Variants in AGMO observed in about 807,000 individuals in gnomAD.
AGMO encodes the protein glyceryl-ether monooxygenase.
Under a neutral mutation model 60.2 loss-of-function variants are expected in AGMO, and 75 were observed. The ratio of observed to expected loss-of-function variants is 1.25; its 90% CI spans 1.03 to 1.51. The LOEUF (loss-of-function observed/expected upper bound fraction) is 1.51. Among genes scored for constraint, AGMO ranks in the 40% most tolerant of loss-of-function variants. The pLI, the probability that AGMO is intolerant of heterozygous loss-of-function variation, is 0.00. For synonymous variants in AGMO, 261 were observed against 177.1 expected (o/e 1.47, Z -3.76); for missense variants, 763 against 525.5 (o/e 1.45, Z -4.42).
chr7:15,390,556 A>C, intron 8 of AGMO, 115 bp downstream of exon 8: 1 of 696,964 alleles, frequency 1.4e-6, no homozygotes. Context: ...TAACAGTTAA[A>C]AATTTTTTCA....
chr7:15,354,423 C>CACACACGTGTGTGTAT (rs1418134928), intron 12 of AGMO, among the ~76,000 whole-genome samples: 1 of 27,462 alleles, frequency 3.6e-5, no homozygotes, highest in Non-Finnish European at 5.7e-5. Context: ...TGTGTGTATA[C>CACACACGTGTGTGTAT]ACACACGTGT....
intron 10 of AGMO, among the ~76,000 whole-genome samples, chr7:15,383,113 G>T (rs1366849513): frequency 1.3e-5 from 2 of 151,692 alleles, no homozygotes; most frequent in African/African-American, 4.8e-5. Flanking sequence ...ACATAGATTC[G>T]TTCAGTGATG....
At chr7:15,547,234 T>C (rs933690847) in intron 2 of AGMO, among the ~76,000 whole-genome samples, 3 of 151,578 alleles carry the variant, frequency 2.0e-5, no homozygotes, top group Non-Finnish European at 4.4e-5. Context: ...TTCCAAGTGT[T>C]TCCTGGGGAG....
Position 15,449,273 on chromosome 7 carries a change from A to T in AGMO, c.410-18165T>A, listed in dbSNP as rs1279096809. Among the ~76,000 whole-genome samples, 3 of 152,080 alleles carry T rather than the reference A, an allele frequency of 2.0e-5. No homozygotes were observed. The East Asian group carries it at 5.8e-4, about 29-fold the overall frequency. On this transcript the variant is annotated intron_variant, in intron 3 of 12. Coordinates refer to ENST00000342526, the MANE Select transcript of AGMO (RefSeq NM_001004320.2). ...CAGAAAGGGATAGAGTTTCTGTCTG[A>T]ATGTTAAAATAATAATTCCCTACAA... is the stretch of plus-strand genomic sequence containing the variant.
At chr7:15,513,339 T>C (rs1014417240) in intron 3 of AGMO, among the ~76,000 whole-genome samples, 1 of 152,192 alleles carries the variant, frequency 6.6e-6, no homozygotes, top group Non-Finnish European at 1.5e-5. Context: ...GGATTTTGAC[T>C]ATAATTATCT....
chr7:15,200,205 T>A (rs895018928), downstream of AGMO: 1 of 142,812 alleles, frequency 7.0e-6, no homozygotes, highest in Admixed American at 7.0e-5. Flanking sequence ...ATTTTTTTTT[T>A]AACTTTTTCC....
chr7:15,339,672 C>T (rs1378550528), intron 12 of AGMO, among the ~76,000 whole-genome samples: 2 of 152,048 alleles, frequency 1.3e-5, no homozygotes, highest in Admixed American at 6.6e-5. Flanking sequence ...AGTATCTTTC[C>T]CATCCCTGTA....
intron 5 of AGMO, among the ~76,000 whole-genome samples, chr7:15,405,335 C>A (rs973218256): frequency 6.6e-6 from 1 of 151,850 alleles, no homozygotes; most frequent in African/African-American, 2.4e-5. Context: ...AAAATTAATA[C>A]AACATAGTTA....
intron 12 of AGMO, among the ~76,000 whole-genome samples, chr7:15,265,041 T>C (rs1456545505): frequency 6.6e-6 from 1 of 152,082 alleles, no homozygotes; most frequent in Non-Finnish European, 1.5e-5. Context: ...TATGTGCCCA[T>C]CAATAGTGGA....
chr7:15,523,827 G>T (rs1784059858), intron 3 of AGMO, among the ~76,000 whole-genome samples: 1 of 151,764 alleles, frequency 6.6e-6, no homozygotes, highest in South Asian at 2.1e-4. Context: ...CAGAACTTAA[G>T]TATAATAATA....
At chr7:15,256,369 G>A (rs1783097779) in intron 12 of AGMO, among the ~76,000 whole-genome samples, 1 of 152,118 alleles carries the variant, frequency 6.6e-6, no homozygotes, top group African/African-American at 2.4e-5. Context: ...TTGAGACGGA[G>A]TCTCGCTCTG....
chr7:15,319,988 T>C (rs1238521168), intron 12 of AGMO, among the ~76,000 whole-genome samples: 3 of 152,058 alleles, frequency 2.0e-5, no homozygotes, highest in African/African-American at 4.8e-5. Flanking sequence ...GAAACCATCA[T>C]TCTCAGCAAA....
chr7:15,353,424 T>C lies in AGMO; in HGVS notation c.1263+12090A>G, dbSNP rs951419890. ...AACTCACTCAAAATTCCTAGGCTTA[T>C]GATGTTAAACTAAATTCAACATGTT... On this transcript the variant is annotated intron_variant, in intron 12 of 12. Coordinates refer to ENST00000342526, the MANE Select transcript of AGMO (RefSeq NM_001004320.2). 4.6e-5 allele frequency among the ~76,000 whole-genome samples: 7 copies of C among 152,184 alleles called. No homozygotes were observed. In the East Asian group the frequency reaches 1.2e-3, roughly 25 times the overall value.
the AGMO span, among the ~76,000 whole-genome samples, chr7:15,138,156 T>C: frequency 1.3e-5 from 2 of 152,322 alleles, no homozygotes; most frequent in Middle Eastern, 3.4e-3. Context: ...CATTTCCTCT[T>C]TTTAGTACAT....
intron 10 of AGMO, among the ~76,000 whole-genome samples, chr7:15,377,840 A>C (rs1032685414): frequency 2.6e-5 from 4 of 152,014 alleles, no homozygotes; most frequent in Admixed American, 2.6e-4. Context: ...ACTTAAACAA[A>C]TATGAAGTCT....
At chr7:15,524,862 C>A (rs1392093611) in intron 3 of AGMO, among the ~76,000 whole-genome samples, 106 of 135,448 alleles carry the variant, frequency 7.8e-4, no homozygotes, top group South Asian at 1.6e-3. Context: ...AATTCCATCT[C>A]AAAAAAAAAA....
chr7:15,509,583 T>G (rs1583627972), intron 3 of AGMO, among the ~76,000 whole-genome samples: 1 of 152,066 alleles, frequency 6.6e-6, no homozygotes, highest in Non-Finnish European at 1.5e-5. Context: ...AATAAACAAA[T>G]AGACTATATC....
the AGMO span, among the ~76,000 whole-genome samples, chr7:15,135,712 T>C: frequency 6.6e-6 from 1 of 150,776 alleles, no homozygotes; most frequent in Non-Finnish European, 1.5e-5. Context: ...CTGGTATTCA[T>C]CTTCATATTT....
chr7:15,547,610 G>T (rs983179420), intron 2 of AGMO, among the ~76,000 whole-genome samples: 1 of 152,060 alleles, frequency 6.6e-6, no homozygotes, highest in African/African-American at 2.4e-5. Context: ...TTTTCGGACC[G>T]GCTTAAAAAA....
Sources: gnomAD v4.1 joint callset for allele counts (sites outside exome capture counted in the v4.1 genomes callset) on GRCh38, gnomAD v4.1.1 for gene constraint, MANE v1.5 for transcripts, NCBI Gene and HGNC (gene_info 2026-07-23, HGNC 2026-07-21) for gene names.